Variants in FAM174A observed in about 807,000 individuals in gnomAD.
FAM174A encodes membrane protein FAM174A.
In FAM174A, 14 loss-of-function variants were observed where a neutral mutation model predicts 14.3. That is an observed-to-expected ratio of 0.98 (90% CI 0.65 to 1.53). FAM174A has a LOEUF of 1.53. FAM174A is among the 40% of genes most tolerant of loss of function. FAM174A has a pLI of 0.00. For missense variants in FAM174A, 241 were observed against 249.6 expected (o/e 0.97, Z 0.23); for synonymous variants, 108 against 111.4 (o/e 0.97, Z 0.19).
intron 2 of FAM174A, among the ~76,000 whole-genome samples, chr5:100,572,891 C>A (rs1165589561): frequency 3.3e-5 from 5 of 152,164 alleles, no homozygotes; most frequent in Non-Finnish European, 1.5e-5. Flanking sequence ...GTTCCTATTT[C>A]TCCACATCCT....
chr5:100,535,439 C>T lies in FAM174A; in HGVS notation c.-92C>T. 1 of 1,438,772 alleles carries T rather than the reference C, an allele frequency of 7.0e-7. No homozygotes were observed. Among genetic ancestry groups the T allele is most frequent in the South Asian group, 1.3e-5 (1 of 79,654 alleles). The allele number at this position is 1,438,772 out of a possible 1,614,324, so 89.1% of individuals were successfully genotyped here. On this transcript the variant is annotated 5_prime_UTR_variant, in exon 1 of 3. Transcript: ENST00000312637. ...GCCTCTCCCTGGCGTTTGGTCACCT[C>T]TGCTTCATTCTCCACCGCGCCTATG...
intron 2 of FAM174A, among the ~76,000 whole-genome samples, chr5:100,562,567 T>G (rs1746551166): frequency 6.6e-6 from 1 of 151,666 alleles, no homozygotes; most frequent in Admixed American, 6.6e-5. Context: ...TCTTGCAATA[T>G]GTATTAACTT....
intron 2 of FAM174A, among the ~76,000 whole-genome samples, chr5:100,565,679 G>A (rs1272292171): frequency 6.6e-6 from 1 of 151,478 alleles, no homozygotes; most frequent in African/African-American, 2.4e-5. Flanking sequence ...AGAGAGATCT[G>A]CACTCCCATG....
At chr5:100,559,605 C>A (rs1746480836) in intron 1 of FAM174A, among the ~76,000 whole-genome samples, 1 of 152,120 alleles carries the variant, frequency 6.6e-6, no homozygotes, top group Admixed American at 6.5e-5. Context: ...TAGAGTTGGT[C>A]TTTTCACATA....
At chr5:100,561,971 CAG>C (rs1746531013) in intron 1 of FAM174A, 81 bp from the exon 2 acceptor site, 1 of 792,600 alleles carries the variant, frequency 1.3e-6, no homozygotes, top group South Asian at 3.2e-5. Context: ...ATGTCAGAAA[CAG>C]AATAATAATT....
chr5:100,559,306 A>C (rs1240625501), intron 1 of FAM174A, among the ~76,000 whole-genome samples: 8 of 152,120 alleles, frequency 5.3e-5, no homozygotes, highest in East Asian at 3.9e-4. Context: ...CCAAGAGATC[A>C]GCTGTTAGTC....
chr5:100,580,647 T>C (rs1043865134), intron 2 of FAM174A, among the ~76,000 whole-genome samples: 5 of 152,230 alleles, frequency 3.3e-5, no homozygotes, highest in African/African-American at 1.2e-4. Flanking sequence ...GTCCACTGAC[T>C]CAAATGTTAA....
At chr5:100,562,608 G>A (rs543784776) in intron 2 of FAM174A, among the ~76,000 whole-genome samples, 4 of 151,536 alleles carry the variant, frequency 2.6e-5, no homozygotes, top group African/African-American at 7.2e-5. Flanking sequence ...GTTTGTGTGC[G>A]TGTGTGTTTG....
intron 2 of FAM174A, among the ~76,000 whole-genome samples, chr5:100,569,930 T>A (rs962940623): frequency 2.6e-5 from 4 of 151,888 alleles, no homozygotes; most frequent in Admixed American, 6.6e-5. Context: ...AAATCGGGAA[T>A]AATGCTCTTC....
chr5:100,552,928 C>G (rs1029853461), intron 1 of FAM174A, among the ~76,000 whole-genome samples: 6 of 151,974 alleles, frequency 3.9e-5, no homozygotes, highest in African/African-American at 1.4e-4. Context: ...CCGGCTTAGG[C>G]TTCCATACTT....
At chr5:100,539,761 G>T (rs970660311) in intron 1 of FAM174A, among the ~76,000 whole-genome samples, 1 of 152,142 alleles carries the variant, frequency 6.6e-6, no homozygotes, top group Non-Finnish European at 1.5e-5. Flanking sequence ...ATCATTTAAA[G>T]TAACCAATTT....
chr5:100,549,051 T>C (rs1457737809), intron 1 of FAM174A, among the ~76,000 whole-genome samples: 1 of 152,138 alleles, frequency 6.6e-6, no homozygotes, highest in Non-Finnish European at 1.5e-5. Flanking sequence ...TCTATGTATA[T>C]ACCTCTGTGG....
chr5:100,556,241 C>T (rs1197526443), intron 1 of FAM174A, among the ~76,000 whole-genome samples: 1 of 152,114 alleles, frequency 6.6e-6, no homozygotes, highest in South Asian at 2.1e-4. Flanking sequence ...TGTCAAAGAT[C>T]AGATGGTTGT....
At chr5:100,566,141 G>GATAGATATATATATATATATATATATAT (rs558236562) in intron 2 of FAM174A, among the ~76,000 whole-genome samples, 2 of 81,810 alleles carry the variant, frequency 2.4e-5, no homozygotes, top group Non-Finnish European at 4.9e-5. Flanking sequence ...TGAAAAGTAT[G>GATAGATATATATATATATATATATATAT]ATATATATAT....
At chr5:100,564,739 T>C (rs1285455433) in intron 2 of FAM174A, among the ~76,000 whole-genome samples, 1 of 151,874 alleles carries the variant, frequency 6.6e-6, no homozygotes, top group Admixed American at 6.6e-5. Flanking sequence ...ATGAGACTAC[T>C]ATGAACAATT....
intron 2 of FAM174A, among the ~76,000 whole-genome samples, chr5:100,570,057 A>T (rs1390597048): frequency 6.6e-6 from 1 of 151,950 alleles, no homozygotes; most frequent in African/African-American, 2.4e-5. Context: ...TCTCTTCTTG[A>T]AACAATATCA....
chr5:100,577,995 A>G (rs1239806791), intron 2 of FAM174A, among the ~76,000 whole-genome samples: 1 of 152,100 alleles, frequency 6.6e-6, no homozygotes, highest in Non-Finnish European at 1.5e-5. Flanking sequence ...CAGGACAATA[A>G]GTGTGTAGGA....
chr5:100,549,539 G>A (rs1057219849), intron 1 of FAM174A, among the ~76,000 whole-genome samples: 2 of 151,944 alleles, frequency 1.3e-5, no homozygotes, highest in African/African-American at 4.8e-5. Flanking sequence ...CAAGGAGTTG[G>A]GAGAGAAAAG....
At chr5:100,582,571 G>C (rs1019163997) in intron 2 of FAM174A, among the ~76,000 whole-genome samples, 1 of 151,794 alleles carries the variant, frequency 6.6e-6, no homozygotes, top group Non-Finnish European at 1.5e-5. Flanking sequence ...TTAAGTAGTA[G>C]TAAAGTTGTA....
Sources: allele counts gnomAD v4.1 joint callset (sites outside exome capture counted in the v4.1 genomes callset), GRCh38; gene constraint gnomAD v4.1.1; transcripts MANE v1.5; gene names NCBI Gene and HGNC (gene_info 2026-07-23, HGNC 2026-07-21).